Variants in PCDHGA10 observed in about 807,000 individuals in gnomAD.
PCDHGA10 encodes the protein protocadherin gamma subfamily A, 10.
PCDHGA10 carries 42 observed loss-of-function variants against 59.5 expected under a neutral mutation model. The observed-to-expected ratio is 0.71, with a 90% CI of 0.55 to 0.91. The LOEUF (loss-of-function observed/expected upper bound fraction) is 0.91, where lower values mean the gene tolerates loss of function less well. PCDHGA10 is among the 40% of genes least tolerant of loss of function. The pLI is 0.00. For missense variants in PCDHGA10, 1,111 were observed against 1,198.2 expected, an observed-to-expected ratio of 0.93 and a Z score of 1.07; for synonymous variants, 511 against 517.2, an observed-to-expected ratio of 0.99 and a Z score of 0.16.
At position 141,485,163 on chromosome 5, in the gene PCDHGA10, G is replaced by A. The variant is rs2099608470; in HGVS notation, c.2437-9644G>A. 14 of 1,604,624 alleles carry A rather than the reference G, an allele frequency of 8.7e-6. No individual in the cohort carries two copies. The highest frequency in any genetic ancestry group is 1.1e-5 in the Non-Finnish European group (13 of 1,172,560). ...TCTCAGGAGCAAGTAGAGAATTAGCGGGCGGCAGCAATGCTCCGCAAGGTG... is the reference window on the plus strand; with the variant it reads ...TCTCAGGAGCAAGTAGAGAATTAGCAGGCGGCAGCAATGCTCCGCAAGGTG... On this transcript the variant is annotated intron_variant, in intron 1 of 3. Coordinates refer to ENST00000398610, the MANE Select transcript of PCDHGA10 (RefSeq NM_018913.3). The surrounding 1 kb of genome is among the most constrained non-coding windows in gnomAD (Gnocchi z 5.7).
At chr5:141,450,556 G>T (rs534127421) in intron 1 of PCDHGA10, among the ~76,000 whole-genome samples, 1 of 151,940 alleles carries the variant, frequency 6.6e-6, no homozygotes, top group African/African-American at 2.4e-5. Flanking sequence ...GCGCAGTCTC[G>T]GCTCACTGCA....
At position 141,476,760 on chromosome 5, in the gene PCDHGA10, C is replaced by A; in HGVS notation, c.2437-18047C>A. The A allele has an allele frequency of 6.2e-7, 1 of 1,613,824 alleles. No homozygotes were observed. Among genetic ancestry groups the A allele is most frequent in the Non-Finnish European group, 8.5e-7 (1 of 1,180,010 alleles). On this transcript the variant is annotated intron_variant, in intron 1 of 3. Coordinates refer to ENST00000398610, the MANE Select transcript of PCDHGA10 (RefSeq NM_018913.3). This position sits in a 1 kb window ranked among gnomAD's most constrained non-coding sequence, Gnocchi z 7.6. ...GAGCCTAGTCTCCAGTTAGTGCTGA[C>A]GGCGTTGGACGGAGGGACCCCAGCT...
intron 1 of PCDHGA10, chr5:141,421,172 G>T: frequency 7.3e-7 from 1 of 1,366,164 alleles, no homozygotes. Flanking sequence ...AGATACATAA[G>T]CCGATTCACA....
intron 1 of PCDHGA10, chr5:141,424,783 T>C (rs1285808638): frequency 1.3e-5 from 2 of 152,212 alleles, no homozygotes; most frequent in African/African-American, 4.8e-5. Flanking sequence ...TACATTCAGT[T>C]CTTTTATTCA....
rs1215626157 is a variant in PCDHGA10, at chr5:141,487,804, GT to G, written c.2437-7000del. ...TCGTGAATTAACCAGAGTTGTCACAGTTTAGCATTGGGGGCGGGTCATGCCT... is the reference window on the plus strand; with the variant it reads ...TCGTGAATTAACCAGAGTTGTCACAGTTAGCATTGGGGGCGGGTCATGCCT... On this transcript the variant is annotated intron_variant, in intron 1 of 3. Transcript: ENST00000398610. The surrounding 1 kb of genome is among the most constrained non-coding windows in gnomAD (Gnocchi z 5.0). 15 of 1,451,846 alleles carry G rather than the reference GT, an allele frequency of 1.0e-5. No homozygotes were observed. The highest frequency in any genetic ancestry group is 1.3e-5 in the Non-Finnish European group (14 of 1,072,382). 89.9% of individuals were successfully genotyped at this position (1,451,846 alleles called of 1,614,324 possible).
intron 1 of PCDHGA10, among the ~76,000 whole-genome samples, chr5:141,447,285 A>G (rs143024915): frequency 0.046 from 7,013 of 152,060 alleles, 241 homozygotes; most frequent in African/African-American, 0.093. Context: ...GACTACAGGC[A>G]CATGCCACCA....
chr5:141,501,715 C>G lies in PCDHGA10; in HGVS notation c.2496-3678C>G, dbSNP rs139761188. On this transcript the variant is annotated intron_variant, in intron 2 of 3. Coordinates refer to ENST00000398610, the MANE Select transcript of PCDHGA10 (RefSeq NM_018913.3). ...AGGGTGATTCCGAGGATAAAAAAGA[C>G]AAATATATTACCCAGTCAGCTTAGA... 1.3e-3 allele frequency among the ~76,000 whole-genome samples: 192 copies of G among 152,192 alleles called. 1 individual carries two copies. The highest frequency in any genetic ancestry group is 4.5e-3 in the African/African-American group (185 of 41,512).
chr5:141,419,455 G>A lies in PCDHGA10; in HGVS notation c.2436+3844G>A, dbSNP rs770156844. 8.1e-6 allele frequency: 13 copies of A among 1,612,598 alleles called. No homozygotes were observed. The African/African-American group carries it at 1.7e-4, about 22-fold the overall frequency. ...AGCTGCGCACCTTCGAGCTCACGCT[G>A]CAGGCCCGCGACCAGGGCTCGCCCG... is the stretch of plus-strand genomic sequence containing the variant. On this transcript the variant is annotated intron_variant, in intron 1 of 3. Coordinates refer to ENST00000398610, the MANE Select transcript of PCDHGA10 (RefSeq NM_018913.3).
intron 1 of PCDHGA10, chr5:141,418,665 A>G: frequency 6.2e-7 from 1 of 1,614,070 alleles, no homozygotes; most frequent in Middle Eastern, 1.6e-4. Flanking sequence ...GCCACTGACC[A>G]GGACGAGGGC....
rs375127524 is a variant in PCDHGA10 at position 141,490,702 on chromosome 5, C to T, written c.2437-4105C>T. ...AGATCCAGACACTGGGGATAATGCC[C>T]GCCTCACCTACTCCATTGTAGGAAA... On this transcript the variant is annotated intron_variant, in intron 1 of 3. Coordinates refer to ENST00000398610, the MANE Select transcript of PCDHGA10 (RefSeq NM_018913.3). The surrounding 1 kb of genome is among the most constrained non-coding windows in gnomAD (Gnocchi z 5.4). 36 of 1,614,060 alleles carry T rather than the reference C, an allele frequency of 2.2e-5. No homozygotes were observed. Among genetic ancestry groups the T allele is most frequent in the South Asian group, 7.7e-5 (7 of 91,090 alleles).
Position 141,476,437 on chromosome 5 carries a change from T to C in PCDHGA10, c.2437-18370T>C, listed in dbSNP as rs1260141259. The C allele has an allele frequency of 6.2e-7, 1 of 1,614,004 alleles. No homozygotes were observed. Among genetic ancestry groups the C allele is most frequent in the East Asian group, 2.2e-5 (1 of 44,836 alleles). ...GGACACTGCCCTCTTGCACTGTAAC[T>C]CTGGAGTTGGTAGTGGAGAACCCGC... On this transcript the variant is annotated intron_variant, in intron 1 of 3. Transcript: ENST00000398610. This position sits in a 1 kb window ranked among gnomAD's most constrained non-coding sequence, Gnocchi z 7.6.
Position 141,476,116 on chromosome 5 carries a change from G to C in PCDHGA10, c.2437-18691G>C, listed in dbSNP as rs367958555. On this transcript the variant is annotated intron_variant, in intron 1 of 3. Transcript: ENST00000398610. The surrounding 1 kb of genome is among the most constrained non-coding windows in gnomAD (Gnocchi z 7.6). ...GCTGAGAGGAACTGCTTTTGAGTGA[G>C]ATGGTCCCAGAGGCCTGGAGGAGCG... 504 of 1,593,954 alleles carry C rather than the reference G, an allele frequency of 3.2e-4. No individual in the cohort carries two copies. Among genetic ancestry groups the C allele is most frequent in the Non-Finnish European group, 4.1e-4 (479 of 1,172,292 alleles).
Position 141,487,532 on chromosome 5 carries a change from A to C in PCDHGA10, c.2437-7275A>C. 6.2e-7 allele frequency: 1 copy of C among 1,614,158 alleles called. No homozygotes were observed. Among genetic ancestry groups the C allele is most frequent in the Non-Finnish European group, 8.5e-7 (1 of 1,180,022 alleles). On this transcript the variant is annotated intron_variant, in intron 1 of 3. Transcript: ENST00000398610. This position sits in a 1 kb window ranked among gnomAD's most constrained non-coding sequence, Gnocchi z 5.0. Reference sequence around the variant, plus strand: ...ACCCACTCGGAGTGATAGCTTCATGATGGTGAAGTCACCCAGTGCACCTAT... The same window carrying C: ...ACCCACTCGGAGTGATAGCTTCATGCTGGTGAAGTCACCCAGTGCACCTAT...
At chr5:141,428,070 T>G (rs756684090) in intron 1 of PCDHGA10, 7 of 1,609,106 alleles carry the variant, frequency 4.4e-6, no homozygotes, top group Non-Finnish European at 5.1e-6. Context: ...GGACGCAGAT[T>G]CGGGACACAA....
rs2099698809 is a variant in PCDHGA10 at position 141,490,343 on chromosome 5, T to C, written c.2437-4464T>C. On this transcript the variant is annotated intron_variant, in intron 1 of 3. Transcript: ENST00000398610. This position sits in a 1 kb window ranked among gnomAD's most constrained non-coding sequence, Gnocchi z 5.4. ...CTAGAGAGCACACCAGTGGGCACAG[T>C]AGTGGGGTTGTTTAATGTGCGAGAC... The C allele has an allele frequency of 6.2e-7, 1 of 1,614,018 alleles. No individual in the cohort carries two copies. Among genetic ancestry groups the C allele is most frequent in the Admixed American group, 1.7e-5 (1 of 60,006 alleles).
chr5:141,443,166 C>T (rs914863821), intron 1 of PCDHGA10, among the ~76,000 whole-genome samples: 2 of 152,124 alleles, frequency 1.3e-5, no homozygotes, highest in African/African-American at 4.8e-5. Context: ...ATTTCCCTAC[C>T]CATGTCCACT....
rs138608867 is a variant in PCDHGA10 at position 141,477,655 on chromosome 5, T to C, written c.2437-17152T>C. 5.0e-3 allele frequency: 8,034 copies of C among 1,614,186 alleles called. 44 individuals carry two copies. The highest frequency in any genetic ancestry group is 9.4e-3 in the Admixed American group (567 of 60,020). On this transcript the variant is annotated intron_variant, in intron 1 of 3. Coordinates refer to ENST00000398610, the MANE Select transcript of PCDHGA10 (RefSeq NM_018913.3). The surrounding 1 kb of genome is among the most constrained non-coding windows in gnomAD (Gnocchi z 4.9). ...TAGTGGGTCGCTATTTCACAATAAA[T>C]CGTGACAATGGCATAGTGTCATCCT...
intron 1 of PCDHGA10, among the ~76,000 whole-genome samples, chr5:141,450,894 G>C (rs919860611): frequency 6.7e-6 from 1 of 148,956 alleles, no homozygotes; most frequent in Admixed American, 6.7e-5. Context: ...GTGCGATATC[G>C]GCTCACTGCA....
rs922804811 is a variant in PCDHGA10 at position 141,432,794 on chromosome 5, G to A, written c.2436+17183G>A. On this transcript the variant is annotated intron_variant, in intron 1 of 3. Coordinates refer to ENST00000398610, the MANE Select transcript of PCDHGA10 (RefSeq NM_018913.3). This position sits in a 1 kb window ranked among gnomAD's most constrained non-coding sequence, Gnocchi z 6.0. ...AGTCCTGGCGGACCTCGGCAGCCTC[G>A]AGTCTCCAGCTAACTCTGAAACCTC... The A allele has an allele frequency of 3.7e-6, 6 of 1,614,138 alleles. No homozygotes were observed. Among genetic ancestry groups the A allele is most frequent in the Non-Finnish European group, 5.1e-6 (6 of 1,180,000 alleles).
Sources: allele counts gnomAD v4.1 joint callset (sites outside exome capture counted in the v4.1 genomes callset), GRCh38; gene constraint gnomAD v4.1.1; non-coding constraint Gnocchi (gnomAD v3.1); transcripts MANE v1.5; gene names NCBI Gene and HGNC (gene_info 2026-07-23, HGNC 2026-07-21).